PIK3R3: variants seen among roughly 807,000 people sequenced by gnomAD.
The protein encoded by PIK3R3 is phosphoinositide-3-kinase regulatory subunit 3, also known as phosphatidylinositol 3-kinase regulatory subunit gamma.
A neutral mutation model predicts 62.9 loss-of-function variants in PIK3R3; 64 were observed. The observed-to-expected ratio is 1.02, with a 90% CI of 0.83 to 1.25. The LOEUF is 1.25. PIK3R3 is among the 50% of genes most tolerant of loss of function. The pLI is 0.00. For synonymous variants in PIK3R3, 165 were observed against 189.0 expected (o/e 0.87, Z 1.04); for missense variants, 614 against 561.6 (o/e 1.09, Z -0.94).
chr1:46,073,511 C>A (rs1328462398), intron 3 of PIK3R3, among the ~76,000 whole-genome samples: 1 of 152,164 alleles, frequency 6.6e-6, no homozygotes, highest in Non-Finnish European at 1.5e-5. Context: ...CCTGCCTAAG[C>A]CTTTGAATCT....
chr1:46,155,157 A>C, the PIK3R3 span, among the ~76,000 whole-genome samples: 15 of 152,036 alleles, frequency 9.9e-5, no homozygotes, highest in African/African-American at 3.6e-4. Context: ...CCATCTCTAC[A>C]AAAAATACAA....
the PIK3R3 span, among the ~76,000 whole-genome samples, chr1:46,141,597 T>C: frequency 6.6e-6 from 1 of 152,192 alleles, no homozygotes; most frequent in Non-Finnish European, 1.5e-5. Context: ...AATCAATATG[T>C]AGAGATCATA....
intron 1 of PIK3R3, among the ~76,000 whole-genome samples, chr1:46,127,948 C>A (rs1335415898): frequency 2.0e-5 from 3 of 152,182 alleles, no homozygotes; most frequent in African/African-American, 7.2e-5. Flanking sequence ...ACATTAAACT[C>A]CCATTTGGAT....
Position 46,045,958 on chromosome 1 carries a change from G to T in PIK3R3, c.1147C>A (p.Arg383Ser). The T allele has an allele frequency of 6.2e-7, 1 of 1,613,416 alleles. No individual in the cohort carries two copies. Among genetic ancestry groups the T allele is most frequent in the Non-Finnish European group, 8.5e-7 (1 of 1,179,702 alleles). ...YGKPDGAFLIRESSKKGCYAC... is the reference protein window; with the variant it reads ...YGKPDGAFLISESSKKGCYAC... ...TAGCATCCTTTCTTGCTACTCTCAC[G>T]AATTAAGAATGCACCATCAGGTTTC... The change falls in exon 9 of 10, where the codon CGT becomes AGT. Residue 383 changes from arginine to serine, a missense_variant. Coordinates refer to ENST00000262741, the MANE Select transcript of PIK3R3 (RefSeq NM_003629.4).
intron 6 of PIK3R3, among the ~76,000 whole-genome samples, chr1:46,058,159 T>C (rs900533408): frequency 6.6e-6 from 1 of 152,230 alleles, no homozygotes; most frequent in African/African-American, 2.4e-5. Context: ...GCCCCAAGTC[T>C]TGGCAGCTTC....
Position 46,132,488 on chromosome 1 carries a change from T to C in PIK3R3, c.-536A>G. The C allele has an allele frequency of 8.3e-7, 1 of 1,209,374 alleles. No individual in the cohort carries two copies. The highest frequency in any genetic ancestry group is 1.1e-6 in the Non-Finnish European group (1 of 950,232). 74.9% of individuals were successfully genotyped at this position (1,209,374 alleles called of 1,614,324 possible). A position where few individuals can be genotyped will look rare whatever the true frequency, so the allele number is the denominator to read the frequency against. ...CCAGAGGCCGGGACTCGGGCTCCTC[T>C]CCGGTCGGTCTCGGAACCGAAGCTG... is the stretch of plus-strand genomic sequence containing the variant. On this transcript the variant is annotated 5_prime_UTR_variant, in exon 1 of 10. Transcript: ENST00000262741.
chr1:46,139,256 C>T, the PIK3R3 span, among the ~76,000 whole-genome samples: 92 of 152,146 alleles, frequency 6.0e-4, no homozygotes, highest in Admixed American at 7.9e-4. Flanking sequence ...GAACCCACCA[C>T]CTACTAAGGG....
At chr1:46,067,191 A>G in intron 3 of PIK3R3, 100 bp from the exon 4 acceptor site, 1 of 809,298 alleles carries the variant, frequency 1.2e-6, no homozygotes, top group South Asian at 1.9e-5. Flanking sequence ...CACATGATAA[A>G]CAAGTTTTAC....
At chr1:46,142,169 A>G in the PIK3R3 span, among the ~76,000 whole-genome samples, 1 of 152,172 alleles carries the variant, frequency 6.6e-6, no homozygotes, top group Admixed American at 6.5e-5. Flanking sequence ...GTTGAAAGCT[A>G]ATCACTAGAT....
At chr1:46,110,274 G>GT (rs1653617770) in intron 1 of PIK3R3, among the ~76,000 whole-genome samples, 1 of 127,058 alleles carries the variant, frequency 7.9e-6, no homozygotes. Context: ...ACCAGGCTTG[G>GT]CTTTTTTTTT....
rs1647015533 is a variant in PIK3R3 at position 46,042,554 on chromosome 1, C to A, written c.*1119G>T. ...CTTAGCAACCTATAGCTCCCAAAAC[C>A]CCATCCAGCAAAGGAGGGGGAAATG... On this transcript the variant is annotated 3_prime_UTR_variant, in exon 10 of 10. Transcript: ENST00000262741. This position sits in a 1 kb window ranked among gnomAD's most constrained non-coding sequence, Gnocchi z 4.3. 1 of 217,444 alleles carries A rather than the reference C, an allele frequency of 4.6e-6. No individual in the cohort carries two copies. The highest frequency in any genetic ancestry group is 2.3e-5 in the African/African-American group (1 of 44,428). The allele number at this position is 217,444 out of a possible 1,614,324, so 13.5% of individuals were successfully genotyped here.
chr1:46,094,068 C>CA (rs1021764796), intron 1 of PIK3R3, among the ~76,000 whole-genome samples: 255 of 117,240 alleles, frequency 2.2e-3, no homozygotes, highest in Non-Finnish European at 2.6e-3. Context: ...GACCCTGTCT[C>CA]AAAAAAAAAA....
At chr1:46,077,661 G>C (rs779178468) in intron 2 of PIK3R3, 48 bp from the exon 3 acceptor site, 1 of 1,171,366 alleles carries the variant, frequency 8.5e-7, no homozygotes, top group South Asian at 1.2e-5. Flanking sequence ...AACACTGGTG[G>C]CTTCGGCAGT....
intron 7 of PIK3R3, among the ~76,000 whole-genome samples, chr1:46,051,213 T>C (rs764900445): frequency 6.6e-6 from 1 of 152,160 alleles, no homozygotes. Context: ...CTCAATAAAG[T>C]TGTAAAAGCA....
intron 1 of PIK3R3, among the ~76,000 whole-genome samples, chr1:46,117,398 A>C (rs1430128747): frequency 2.6e-5 from 4 of 152,088 alleles, no homozygotes; most frequent in African/African-American, 9.7e-5. Flanking sequence ...GTGCCACTGC[A>C]TTCCAGTCTG....
rs1655668686 is a variant in PIK3R3, at chr1:46,132,131, A to T, written c.-179T>A. 7.2e-7 allele frequency: 1 copy of T among 1,386,878 alleles called. No homozygotes were observed. The highest frequency in any genetic ancestry group is 9.3e-7 in the Non-Finnish European group (1 of 1,072,490). 85.9% of individuals were successfully genotyped at this position (1,386,878 alleles called of 1,614,324 possible). A position where few individuals can be genotyped will look rare whatever the true frequency, so the allele number is the denominator to read the frequency against. On this transcript the variant is annotated 5_prime_UTR_variant, in exon 1 of 10. Coordinates refer to ENST00000262741, the MANE Select transcript of PIK3R3 (RefSeq NM_003629.4). ...GAACAGGGTCCTCCCCCTCTCTCCTACAGAACACAACAAAATGCCCCCGAA... is the reference window on the plus strand; with the variant it reads ...GAACAGGGTCCTCCCCCTCTCTCCTTCAGAACACAACAAAATGCCCCCGAA...
intron 5 of PIK3R3, among the ~76,000 whole-genome samples, chr1:46,064,153 C>T (rs1648776072): frequency 6.6e-6 from 1 of 151,896 alleles, no homozygotes; most frequent in South Asian, 2.1e-4. Context: ...ATGGAGGTCA[C>T]AGTGAGCCGA....
the PIK3R3 span, among the ~76,000 whole-genome samples, chr1:46,162,046 C>T: frequency 1.3e-5 from 2 of 149,074 alleles, no homozygotes; most frequent in Admixed American, 6.7e-5. Flanking sequence ...GAGCCGAGAT[C>T]GCGCCACCGC....
chr1:46,100,841 T>G (rs1652591945), intron 1 of PIK3R3, among the ~76,000 whole-genome samples: 1 of 152,200 alleles, frequency 6.6e-6, no homozygotes, highest in South Asian at 2.1e-4. Flanking sequence ...CACTGGTACC[T>G]TTCAATTGTT....
Sources: allele counts gnomAD v4.1 joint callset (sites outside exome capture counted in the v4.1 genomes callset), GRCh38; gene constraint gnomAD v4.1.1; non-coding constraint Gnocchi (gnomAD v3.1); transcripts MANE v1.5; gene names NCBI Gene and HGNC (gene_info 2026-07-23, HGNC 2026-07-21).